Variants in ASTN2 observed in about 807,000 individuals in gnomAD.
ASTN2 encodes astrotactin 2.
A neutral mutation model predicts 139.8 loss-of-function variants in ASTN2; 54 were observed. That is an observed-to-expected ratio of 0.39 (90% CI 0.31 to 0.48). The LOEUF (loss-of-function observed/expected upper bound fraction) is 0.48, where lower values mean the gene tolerates loss of function less well. ASTN2 is among the 20% of genes least tolerant of loss of function. The probability of loss-of-function intolerance (pLI) is 0.95; values close to 1 mark genes in which losing one functional copy is unlikely to be tolerated. For missense variants in ASTN2, 1,565 were observed against 1,725.1 expected (o/e 0.91, Z 1.64); for synonymous variants, 756 against 719.5 (o/e 1.05, Z -0.81).
At chr9:116,580,882 T>C (rs2131710855) in intron 19 of ASTN2, among the ~76,000 whole-genome samples, 1 of 152,290 alleles carries the variant, frequency 6.6e-6, no homozygotes, top group East Asian at 1.9e-4. Flanking sequence ...ACAAGAGCTA[T>C]GTAGAAAACA....
At chr9:117,185,638 G>C (rs536150247) in intron 3 of ASTN2, among the ~76,000 whole-genome samples, 1 of 152,288 alleles carries the variant, frequency 6.6e-6, no homozygotes, top group South Asian at 2.1e-4. Context: ...TATTGGATAT[G>C]ACAAATTCTT....
chr9:116,644,259 G>C (rs1161517867), intron 17 of ASTN2, among the ~76,000 whole-genome samples: 1 of 152,150 alleles, frequency 6.6e-6, no homozygotes, highest in Non-Finnish European at 1.5e-5. Flanking sequence ...TTCTGGCAGA[G>C]AGAAAGAATC....
intron 11 of ASTN2, among the ~76,000 whole-genome samples, chr9:116,839,814 G>A (rs185370866): frequency 1.2e-3 from 182 of 149,918 alleles, no homozygotes; most frequent in African/African-American, 4.2e-3. Flanking sequence ...GGGACCACAG[G>A]TGCCCGCCAC....
chr9:116,588,989 G>A (rs1381266948), intron 19 of ASTN2, among the ~76,000 whole-genome samples: 1 of 152,134 alleles, frequency 6.6e-6, no homozygotes, highest in Non-Finnish European at 1.5e-5. Context: ...AGGAAGATTT[G>A]GAGAAAGGTC....
At chr9:116,955,719 C>G (rs1387318550) in intron 10 of ASTN2, among the ~76,000 whole-genome samples, 1 of 152,192 alleles carries the variant, frequency 6.6e-6, no homozygotes, top group Non-Finnish European at 1.5e-5. Context: ...AGTTGTTTCA[C>G]CTTTCTGGGC....
intron 19 of ASTN2, among the ~76,000 whole-genome samples, chr9:116,500,683 T>A (rs778579719): frequency 6.6e-6 from 1 of 152,232 alleles, no homozygotes; most frequent in Non-Finnish European, 1.5e-5. Flanking sequence ...AGTGACGTCA[T>A]CTTTTTAAGC....
intron 3 of ASTN2, among the ~76,000 whole-genome samples, chr9:117,157,709 T>C (rs1000926362): frequency 3.3e-5 from 5 of 152,006 alleles, no homozygotes; most frequent in African/African-American, 1.2e-4. Flanking sequence ...GTTCAGAAAC[T>C]GATGAGTTAT....
At chr9:117,203,118 G>T (rs976170101) in intron 3 of ASTN2, among the ~76,000 whole-genome samples, 3 of 151,456 alleles carry the variant, frequency 2.0e-5, no homozygotes, top group Non-Finnish European at 2.9e-5. Context: ...TCTTCTGCTT[G>T]GTTGATTTGG....
At chr9:116,612,725 T>C (rs901612975) in intron 19 of ASTN2, 8 of 152,010 alleles carry the variant, frequency 5.3e-5, no homozygotes, top group African/African-American at 1.7e-4. Flanking sequence ...AAGCAGTGTG[T>C]AGAGGGAGAT....
intron 12 of ASTN2, among the ~76,000 whole-genome samples, chr9:116,818,840 G>T (rs947075863): frequency 6.6e-6 from 1 of 152,160 alleles, no homozygotes; most frequent in Non-Finnish European, 1.5e-5. Flanking sequence ...GAGGCACAGA[G>T]ACATAAATTA....
intron 13 of ASTN2, among the ~76,000 whole-genome samples, chr9:116,746,383 G>A (rs753311588): frequency 6.6e-6 from 1 of 152,022 alleles, no homozygotes; most frequent in Non-Finnish European, 1.5e-5. Context: ...ACCATGCCCG[G>A]CCAATTGAGT....
chr9:117,295,410 C>A (rs911586156), intron 1 of ASTN2, among the ~76,000 whole-genome samples: 2 of 152,136 alleles, frequency 1.3e-5, no homozygotes, highest in Non-Finnish European at 2.9e-5. Context: ...TGTTTATTGT[C>A]TCTCTCTCCA....
intron 1 of ASTN2, among the ~76,000 whole-genome samples, chr9:117,389,355 C>A (rs1830485750): frequency 6.6e-6 from 1 of 152,164 alleles, no homozygotes; most frequent in Non-Finnish European, 1.5e-5. Flanking sequence ...CAAGCGATCA[C>A]TAACTTGATT....
intron 4 of ASTN2, among the ~76,000 whole-genome samples, chr9:117,102,381 A>G (rs1398115736): frequency 6.6e-6 from 1 of 152,166 alleles, no homozygotes; most frequent in Admixed American, 6.5e-5. Flanking sequence ...TGGACAGAGG[A>G]AAATGGGAAT....
chr9:116,623,520 C>A (rs1028504242), intron 17 of ASTN2, among the ~76,000 whole-genome samples: 5 of 152,150 alleles, frequency 3.3e-5, no homozygotes, highest in Admixed American at 3.3e-4. Context: ...CCTTGCAACA[C>A]TCCATCCAGA....
intron 22 of ASTN2, among the ~76,000 whole-genome samples, chr9:116,430,810 G>T (rs958067437): frequency 6.6e-6 from 1 of 152,224 alleles, no homozygotes; most frequent in Non-Finnish European, 1.5e-5. Flanking sequence ...GGTGCTCGAA[G>T]GCTGGGGAGG....
chr9:116,554,127 T>C (rs1006558214), intron 19 of ASTN2, among the ~76,000 whole-genome samples: 1 of 152,228 alleles, frequency 6.6e-6, no homozygotes, highest in Non-Finnish European at 1.5e-5. Context: ...TTAACTCTCA[T>C]GTCCTTCTTA....
intron 19 of ASTN2, among the ~76,000 whole-genome samples, chr9:116,564,993 AC>A (rs2131671880): frequency 6.6e-6 from 1 of 152,110 alleles, no homozygotes; most frequent in South Asian, 2.1e-4. Context: ...TAGAGTACAA[AC>A]CTAAGCCAGC....
intron 3 of ASTN2, among the ~76,000 whole-genome samples, chr9:117,172,182 G>T (rs1375084015): frequency 6.6e-6 from 1 of 152,112 alleles, no homozygotes; most frequent in Non-Finnish European, 1.5e-5. Flanking sequence ...TCTATCATAA[G>T]GCTGCCCAGC....
Sources: gnomAD v4.1 joint callset for allele counts (sites outside exome capture counted in the v4.1 genomes callset) on GRCh38, gnomAD v4.1.1 for gene constraint, MANE v1.5 for transcripts, NCBI Gene and HGNC (gene_info 2026-07-23, HGNC 2026-07-21) for gene names.